Variants in UPF3A observed in about 807,000 individuals in gnomAD.
The protein encoded by UPF3A is regulator of nonsense transcripts 3A.
A neutral mutation model predicts 53.5 loss-of-function variants in UPF3A; 42 were observed. The ratio of observed to expected loss-of-function variants is 0.78; its 90% CI spans 0.61 to 1.01. The LOEUF (loss-of-function observed/expected upper bound fraction) is 1.01. Among genes scored for constraint, UPF3A ranks in the 50% least tolerant of loss-of-function variants. UPF3A has a pLI of 0.00. For synonymous variants in UPF3A, 237 were observed against 225.3 expected, an observed-to-expected ratio of 1.05 and a Z score of -0.47; for missense variants, 575 against 598.0, an observed-to-expected ratio of 0.96 and a Z score of 0.40.
Position 114,293,383 on chromosome 13 carries a change from T to TA in UPF3A, c.846+1603dup, listed in dbSNP as rs111799077. Among the ~76,000 whole-genome samples, 602 of 145,634 alleles carry TA rather than the reference T, an allele frequency of 4.1e-3. 3 individuals carry two copies. The highest frequency in any genetic ancestry group is 0.013 in the African/African-American group (517 of 39,774). ...TGGGCAACAGAGCAAGACTCTGTCT[T>TA]AAAAAAAAAAAAGTTTCCCTGATTA... On this transcript the variant is annotated intron_variant, in intron 7 of 9. Coordinates refer to ENST00000375299, the MANE Select transcript of UPF3A (RefSeq NM_023011.4).
chr13:114,301,418 C>T (rs137928133), intron 8 of UPF3A, among the ~76,000 whole-genome samples: 3 of 151,554 alleles, frequency 2.0e-5, no homozygotes, highest in Non-Finnish European at 4.4e-5. Flanking sequence ...AGCTGAGATC[C>T]CGCCATTTTA....
rs1594859682 is a variant in UPF3A at position 114,305,706 on chromosome 13, C to T, written c.*789C>T. The stretch of plus-strand genomic sequence containing the variant: ...ATAACTTAAAATAGCTTTCTGAAAC[C>T]GTGCATTCTGTAGTTTCTTCCTTTC... On this transcript the variant is annotated 3_prime_UTR_variant, in exon 10 of 10. Transcript: ENST00000375299. The T allele has an allele frequency of 6.6e-6, 1 of 152,090 alleles. No homozygotes were observed. The highest frequency in any genetic ancestry group is 1.5e-5 in the Non-Finnish European group (1 of 68,026). The allele number at this position is 152,090 out of a possible 1,614,324, so 9.4% of individuals were successfully genotyped here. A position where few individuals can be genotyped will look rare whatever the true frequency, so the allele number is the denominator to read the frequency against.
At chr13:114,299,026 C>A in intron 8 of UPF3A, 26 bp downstream of exon 8, 1 of 1,559,002 alleles carries the variant, frequency 6.4e-7, no homozygotes, top group Non-Finnish European at 8.6e-7. Flanking sequence ...TTGTTATGAC[C>A]ACGTCAGCTC....
intron 3 of UPF3A, among the ~76,000 whole-genome samples, chr13:114,284,470 G>A (rs1330675031): frequency 1.3e-5 from 2 of 151,282 alleles, no homozygotes; most frequent in African/African-American, 4.9e-5. Context: ...GCCGAGGAAT[G>A]TAGATCAGTT....
Position 114,289,247 on chromosome 13 carries a change from C to T in UPF3A, c.632-2242C>T, listed in dbSNP as rs970093652. ...TATGTATGAAAAATTGAAACTTGGCCGGGTGCGGTGGCTCACACCTGTAAT... is the reference window on the plus strand; with the variant it reads ...TATGTATGAAAAATTGAAACTTGGCTGGGTGCGGTGGCTCACACCTGTAAT... On this transcript the variant is annotated intron_variant, in intron 5 of 9. Coordinates refer to ENST00000375299, the MANE Select transcript of UPF3A (RefSeq NM_023011.4). Among the ~76,000 whole-genome samples, 7 of 152,126 alleles carry T rather than the reference C, an allele frequency of 4.6e-5. No individual in the cohort carries two copies. In the East Asian group the frequency reaches 5.8e-4, roughly 13 times the overall value.
chr13:114,295,490 T>C (rs977871527), intron 7 of UPF3A, among the ~76,000 whole-genome samples: 3 of 151,930 alleles, frequency 2.0e-5, no homozygotes, highest in Non-Finnish European at 4.4e-5. Flanking sequence ...TCCGCACGTT[T>C]CCCTCCACAG....
intron 7 of UPF3A, among the ~76,000 whole-genome samples, chr13:114,295,759 G>A (rs910849742): frequency 2.6e-5 from 4 of 152,124 alleles, no homozygotes; most frequent in Non-Finnish European, 2.9e-5. Context: ...AAGTTCCTTC[G>A]AGGCAGGGGC....
intron 9 of UPF3A, among the ~76,000 whole-genome samples, chr13:114,304,324 A>G (rs74116895): frequency 0.088 from 13,406 of 152,068 alleles, 677 homozygotes; most frequent in Middle Eastern, 0.13. Flanking sequence ...TTATTGCTTC[A>G]CCTCCAGGAG....
intron 7 of UPF3A, among the ~76,000 whole-genome samples, chr13:114,295,080 C>G (rs1406835231): frequency 2.0e-5 from 3 of 150,096 alleles, no homozygotes; most frequent in Non-Finnish European, 4.4e-5. Flanking sequence ...CCACTGCACT[C>G]CAGCCTGGGC....
chr13:114,286,817 G>A (rs982942292), intron 5 of UPF3A, 188 bp downstream of exon 5: 9 of 596,302 alleles, frequency 1.5e-5, no homozygotes, highest in African/African-American at 3.7e-5. Flanking sequence ...ATTTCTGAGC[G>A]TTGGTTGATG....
intron 7 of UPF3A, among the ~76,000 whole-genome samples, chr13:114,293,787 A>G (rs534250290): frequency 4.6e-5 from 7 of 152,338 alleles, no homozygotes; most frequent in Admixed American, 3.3e-4. Flanking sequence ...GGAAGAGATC[A>G]TTGAACCATA....
In UPF3A at chr13:114,298,959, A is replaced by C. The variant is rs765709351; in HGVS notation, c.966A>C (p.Lys322Asn). The change falls in exon 8 of 10, where the codon AAA becomes AAC. Residue 322 changes from lysine (K) to asparagine (N), a missense_variant. Transcript: ENST00000375299. Reference sequence around the variant, plus strand: ...CCTGTGCCCCCGGTGCAGTCGTAAAAGCCAGGCCCATGGAAGGCTCGCTGG... The same window carrying C: ...CCTGTGCCCCCGGTGCAGTCGTAAACGCCAGGCCCATGGAAGGCTCGCTGG... Reference protein sequence around the residue: ...QESCAPGAVVKARPMEGSLEE... With the variant: ...QESCAPGAVVNARPMEGSLEE... 93 of 1,610,252 alleles carry C rather than the reference A, an allele frequency of 5.8e-5. 1 individual carries two copies. The South Asian group carries it at 8.5e-4, about 15-fold the overall frequency.
chr13:114,283,795 C>T, intron 3 of UPF3A: 1 of 985,594 alleles, frequency 1.0e-6, no homozygotes, highest in Non-Finnish European at 1.2e-6. Context: ...AGGCTGTCTG[C>T]TGTTGTGTTC....
At chr13:114,297,084 G>A (rs1056136303) in intron 7 of UPF3A, among the ~76,000 whole-genome samples, 18 of 152,152 alleles carry the variant, frequency 1.2e-4, no homozygotes, top group African/African-American at 3.9e-4. Context: ...TGCATGATGC[G>A]TTGTGTTCCC....
chr13:114,282,417 G>A lies in UPF3A; in HGVS notation c.314+290G>A, dbSNP rs933494135. ...AGCGTTGCCCGCCCGGCGCCTCCCG[G>A]GCTTCCCTGCTCGTCCGCGGACGGG... is the stretch of plus-strand genomic sequence containing the variant. On this transcript the variant is annotated intron_variant, in intron 2 of 9. Transcript: ENST00000375299. The A allele has an allele frequency of 2.0e-5, 25 of 1,220,412 alleles. No individual in the cohort carries two copies. In the Middle Eastern group the frequency reaches 9.9e-4, roughly 48 times the overall value. 75.6% of individuals were successfully genotyped at this position (1,220,412 alleles called of 1,614,324 possible).
chr13:114,298,597 C>G (rs1288824258), intron 7 of UPF3A, among the ~76,000 whole-genome samples: 1 of 152,138 alleles, frequency 6.6e-6, no homozygotes, highest in Non-Finnish European at 1.5e-5. Flanking sequence ...GCCCTTTATT[C>G]ATTACGTGAA....
intron 8 of UPF3A, among the ~76,000 whole-genome samples, chr13:114,299,509 C>T (rs1274790940): frequency 6.6e-6 from 1 of 152,178 alleles, no homozygotes; most frequent in Non-Finnish European, 1.5e-5. Flanking sequence ...TGAAGCTGTC[C>T]CTGGCTCCTC....
chr13:114,282,139 C>T lies in UPF3A; in HGVS notation c.314+12C>T. ...GCCGCCGACCTGAGGTGAGGCCCGC[C>T]CCGAGGGGAGGAAGAGAGGGCGGAA... is the stretch of plus-strand genomic sequence containing the variant. On this transcript the variant is annotated intron_variant, in intron 2 of 9. Coordinates refer to ENST00000375299, the MANE Select transcript of UPF3A (RefSeq NM_023011.4). 2.6e-6 allele frequency: 4 copies of T among 1,544,656 alleles called. No individual in the cohort carries two copies. The highest frequency in any genetic ancestry group is 2.4e-5 in the East Asian group (1 of 41,030).
At chr13:114,284,373 G>A (rs949857194) in intron 3 of UPF3A, among the ~76,000 whole-genome samples, 7 of 138,108 alleles carry the variant, frequency 5.1e-5, no homozygotes, top group South Asian at 2.3e-4. Flanking sequence ...GTGTATGTAC[G>A]TGTATGTATA....
Sources: allele counts gnomAD v4.1 joint callset (sites outside exome capture counted in the v4.1 genomes callset), GRCh38; gene constraint gnomAD v4.1.1; transcripts MANE v1.5; gene names NCBI Gene and HGNC (gene_info 2026-07-23, HGNC 2026-07-21).